Variants in SLC41A3 observed in about 807,000 individuals in gnomAD.
SLC41A3 encodes the protein SLC41A1-like 2.
A neutral mutation model predicts 45.4 loss-of-function variants in SLC41A3; 44 were observed. The ratio of observed to expected loss-of-function variants is 0.97; its 90% confidence interval spans 0.76 to 1.25. The LOEUF (loss-of-function observed/expected upper bound fraction) is 1.25. SLC41A3 is among the 50% of genes most tolerant of loss of function. The pLI is 0.00. For missense variants in SLC41A3, 550 were observed against 600.6 expected (o/e 0.92, Z 0.88); for synonymous variants, 256 against 252.4 (o/e 1.01, Z -0.13).
upstream of SLC41A3, chr3:126,085,453 C>T (rs546810905): frequency 6.6e-6 from 1 of 152,190 alleles, no homozygotes; most frequent in Non-Finnish European, 1.5e-5. Flanking sequence ...AGCGAAGATA[C>T]CAGTGGGGCC....
chr3:126,021,676 A>G (rs1361864614), intron 6 of SLC41A3, among the ~76,000 whole-genome samples: 2 of 152,140 alleles, frequency 1.3e-5, no homozygotes, highest in Admixed American at 6.5e-5. Context: ...CAACTGCCCA[A>G]CATTCTTGGG....
intron 3 of SLC41A3, among the ~76,000 whole-genome samples, chr3:126,035,290 G>C (rs369470026): frequency 1.3e-5 from 2 of 152,126 alleles, no homozygotes; most frequent in Non-Finnish European, 2.9e-5. Flanking sequence ...CTTCCAGGAT[G>C]GTGGTGGGAT....
At chr3:126,083,720 G>T (rs1199442570) in intron 1 of SLC41A3, among the ~76,000 whole-genome samples, 3 of 151,752 alleles carry the variant, frequency 2.0e-5, no homozygotes, top group African/African-American at 7.3e-5. Context: ...ACACCGCAGC[G>T]GTGTGGGGAG....
At chr3:126,074,187 G>A (rs1039247308) in intron 1 of SLC41A3, among the ~76,000 whole-genome samples, 1 of 151,812 alleles carries the variant, frequency 6.6e-6, no homozygotes, top group African/African-American at 2.4e-5. Flanking sequence ...GATGCCCTTA[G>A]TCAGGATGAG....
intron 3 of SLC41A3, among the ~76,000 whole-genome samples, chr3:126,037,338 G>A (rs1317023880): frequency 1.3e-5 from 2 of 152,192 alleles, no homozygotes; most frequent in Non-Finnish European, 2.9e-5. Flanking sequence ...AAGAAGACAG[G>A]AAGATAAGGG....
rs1387175866 is a variant in SLC41A3 at position 126,054,767 on chromosome 3, C to T, written c.274-3717G>A. ...ACAGGCAAACACCTCCTTGTGGCCT[C>T]CACTCCCTGCCCAGCCCTCCGGAAC... On this transcript the variant is annotated intron_variant, in intron 2 of 10. Transcript: ENST00000360370. Among the ~76,000 whole-genome samples, 4 of 152,162 alleles carry T rather than the reference C, an allele frequency of 2.6e-5. No individual in the cohort carries two copies. The East Asian group carries it at 7.8e-4, about 30-fold the overall frequency.
intron 2 of SLC41A3, among the ~76,000 whole-genome samples, chr3:126,051,760 A>AT (rs1354431603): frequency 6.6e-6 from 1 of 152,132 alleles, no homozygotes; most frequent in Non-Finnish European, 1.5e-5. Context: ...CTACTGATTT[A>AT]TTTTGCCTGT....
At chr3:126,091,060 G>A (rs762141108) in intron 1 of SLC41A3, among the ~76,000 whole-genome samples, 22 of 152,288 alleles carry the variant, frequency 1.4e-4, no homozygotes, top group Non-Finnish European at 2.6e-4. Context: ...TTGGGGCATT[G>A]CTGTCTCTTC....
intron 1 of SLC41A3, among the ~76,000 whole-genome samples, chr3:126,091,055 G>T (rs1315628044): frequency 1.3e-5 from 2 of 152,246 alleles, no homozygotes; most frequent in East Asian, 3.9e-4. Context: ...GCAGGTTGGG[G>T]CATTGCTGTC....
intron 2 of SLC41A3, among the ~76,000 whole-genome samples, chr3:126,060,073 C>T (rs1484985090): frequency 7.9e-5 from 12 of 152,196 alleles, no homozygotes; most frequent in Admixed American, 7.9e-4. Context: ...AAAGAGGTGT[C>T]TGACCAAGTA....
chr3:126,072,405 TG>T (rs1944666374), intron 1 of SLC41A3, among the ~76,000 whole-genome samples: 1 of 147,510 alleles, frequency 6.8e-6, no homozygotes, highest in Non-Finnish European at 1.5e-5. Context: ...AACCAAAAGT[TG>T]GGTCCTTGAA....
At chr3:126,027,605 C>A (rs886778170) in intron 4 of SLC41A3, among the ~76,000 whole-genome samples, 5 of 152,150 alleles carry the variant, frequency 3.3e-5, no homozygotes, top group Admixed American at 6.5e-5. Flanking sequence ...TATAAAGATA[C>A]CTGAAAATGT....
chr3:126,019,379 T>G (rs1470340798), intron 6 of SLC41A3, among the ~76,000 whole-genome samples: 1 of 152,140 alleles, frequency 6.6e-6, no homozygotes, highest in Admixed American at 6.5e-5. Flanking sequence ...GATCAACACA[T>G]GAAATTTAGG....
At chr3:126,061,523 G>A (rs115134198) in intron 2 of SLC41A3, among the ~76,000 whole-genome samples, 2,485 of 152,342 alleles carry the variant, frequency 0.016, 37 homozygotes, top group Middle Eastern at 0.027. Context: ...TGAGCGGCAT[G>A]AGGGCAGGGG....
chr3:126,059,531 G>T (rs1943946117), intron 2 of SLC41A3, among the ~76,000 whole-genome samples: 1 of 152,042 alleles, frequency 6.6e-6, no homozygotes, highest in African/African-American at 2.4e-5. Context: ...ACAGCCCTGG[G>T]ATGTTCACAG....
rs1443693811 is a variant in SLC41A3, at chr3:126,006,772, T to C, written c.*244A>G. 1.4e-6 allele frequency: 2 copies of C among 1,442,820 alleles called. No individual in the cohort carries two copies. Among genetic ancestry groups the C allele is most frequent in the Non-Finnish European group, 9.1e-7 (1 of 1,104,302 alleles). The allele number at this position is 1,442,820 out of a possible 1,614,324, so 89.4% of individuals were successfully genotyped here. On this transcript the variant is annotated 3_prime_UTR_variant, in exon 11 of 11. Transcript: ENST00000360370. ...AAACGTGTGCACACTTGCACGCTCATTAAGCATGTGCACACATCATATTCA... is the reference window on the plus strand; with the variant it reads ...AAACGTGTGCACACTTGCACGCTCACTAAGCATGTGCACACATCATATTCA...
At chr3:126,012,822 C>T in intron 8 of SLC41A3, 73 bp from the exon 9 acceptor site, 1 of 1,581,608 alleles carries the variant, frequency 6.3e-7, no homozygotes, top group Non-Finnish European at 8.6e-7. Flanking sequence ...ATTTTAAGTT[C>T]CCTTCCTCCA....
chr3:126,024,021 C>T (rs1273840810), intron 5 of SLC41A3: 4 of 152,106 alleles, frequency 2.6e-5, no homozygotes, highest in East Asian at 1.9e-4. Context: ...TAAGTGAATC[C>T]GAGTTCGCAC....
At chr3:126,096,411 T>A (rs191213851) in intron 1 of SLC41A3, among the ~76,000 whole-genome samples, 317 of 151,506 alleles carry the variant, frequency 2.1e-3, no homozygotes, top group African/African-American at 7.5e-3. Context: ...AACATGGCCA[T>A]AAACTGGCCC....
Sources: allele counts gnomAD v4.1 joint callset (sites outside exome capture counted in the v4.1 genomes callset), GRCh38; gene constraint gnomAD v4.1.1; transcripts MANE v1.5; gene names NCBI Gene and HGNC (gene_info 2026-07-23, HGNC 2026-07-21).